The following DCC variants were observed in gnomAD, a reference collection of about 807,000 sequenced individuals.
DCC encodes the protein DCC netrin 1 receptor.
In DCC, 58 loss-of-function variants were observed where a neutral mutation model predicts 172.5. That is an observed-to-expected ratio of 0.34 (90% CI 0.27 to 0.42). The LOEUF (loss-of-function observed/expected upper bound fraction) is 0.42, where lower values mean the gene tolerates loss of function less well. DCC is among the 10% of genes least tolerant of loss of function. The pLI is 1.00. For missense variants in DCC, 1,740 were observed against 1,791.0 expected (o/e 0.97, Z 0.51); for synonymous variants, 709 against 644.5 (o/e 1.10, Z -1.52).
At chr18:52,481,790 A>G (rs2029973002) in intron 1 of DCC, among the ~76,000 whole-genome samples, 1 of 152,088 alleles carries the variant, frequency 6.6e-6, no homozygotes, top group Admixed American at 6.6e-5. Flanking sequence ...GGGGATAATA[A>G]CACCTCCCCA....
intron 14 of DCC, 63 bp downstream of exon 14, chr18:53,322,220 T>G (rs2057419871): frequency 3.2e-6 from 3 of 946,108 alleles, no homozygotes; most frequent in South Asian, 2.6e-5. Context: ...CTTCAAAAGG[T>G]CTCTTAAAAA....
At chr18:53,020,970 C>T (rs1464864624) in intron 5 of DCC, among the ~76,000 whole-genome samples, 2 of 151,424 alleles carry the variant, frequency 1.3e-5, no homozygotes, top group Non-Finnish European at 3.0e-5. Flanking sequence ...CTAATGGCTA[C>T]CTGACAAGAC....
At chr18:53,146,708 T>C (rs1053052102) in intron 7 of DCC, among the ~76,000 whole-genome samples, 1 of 152,274 alleles carries the variant, frequency 6.6e-6, no homozygotes, top group South Asian at 2.1e-4. Flanking sequence ...TACATCTTGA[T>C]GAGAATTAGT....
intron 2 of DCC, among the ~76,000 whole-genome samples, chr18:52,784,677 T>A (rs139149384): frequency 2.0e-5 from 3 of 152,138 alleles, no homozygotes; most frequent in East Asian, 1.9e-4. Flanking sequence ...ATATTGAAAA[T>A]TTTTTAAATA....
Position 53,246,076 on chromosome 18 carries a change from C to G in DCC, c.1911+30479C>G, listed in dbSNP as rs537787644. Among the ~76,000 whole-genome samples the G allele has an allele frequency of 9.7e-4, 148 of 152,126 alleles. 1 individual carries two copies. Among genetic ancestry groups the G allele is most frequent in the Non-Finnish European group, 1.8e-3 (121 of 67,988 alleles). ...ATTGAATAGTTCTCCCTGAGACTTG[C>G]AATCATCATGACGTTTACCCAGGGA... On this transcript the variant is annotated intron_variant, in intron 12 of 28. Transcript: ENST00000442544.
At chr18:53,094,197 T>C (rs1460868058) in intron 7 of DCC, among the ~76,000 whole-genome samples, 3 of 152,214 alleles carry the variant, frequency 2.0e-5, no homozygotes, top group African/African-American at 7.2e-5. Flanking sequence ...TTGTGTTATA[T>C]GATGAAAACA....
chr18:53,099,873 A>C (rs904491401), intron 7 of DCC, among the ~76,000 whole-genome samples: 1 of 151,484 alleles, frequency 6.6e-6, no homozygotes, highest in African/African-American at 2.4e-5. Flanking sequence ...GATTCACCTA[A>C]TTTCAGCTAG....
At chr18:52,709,531 G>A (rs1011860858) in intron 1 of DCC, among the ~76,000 whole-genome samples, 1 of 152,128 alleles carries the variant, frequency 6.6e-6, no homozygotes, top group Non-Finnish European at 1.5e-5. Flanking sequence ...CCGCTGGAAG[G>A]AACTTGACCT....
At chr18:53,099,144 T>G (rs2043127236) in intron 7 of DCC, among the ~76,000 whole-genome samples, 1 of 152,158 alleles carries the variant, frequency 6.6e-6, no homozygotes, top group South Asian at 2.1e-4. Context: ...AATCAGTTAT[T>G]ACTAATAAGT....
intron 21 of DCC, among the ~76,000 whole-genome samples, chr18:53,425,460 A>G (rs2145087332): frequency 6.7e-6 from 1 of 148,282 alleles, no homozygotes; most frequent in South Asian, 2.1e-4. Flanking sequence ...CCTGGGTTCA[A>G]GCGATTCTCC....
chr18:53,296,655 G>A (rs1813853), intron 12 of DCC, among the ~76,000 whole-genome samples: 5,562 of 152,130 alleles, frequency 0.037, 356 homozygotes, highest in African/African-American at 0.13. Context: ...ATACATAACT[G>A]GGCAGAAAAG....
chr18:53,472,464 T>C (rs1040842444), intron 25 of DCC, among the ~76,000 whole-genome samples: 16 of 152,236 alleles, frequency 1.1e-4, no homozygotes, highest in Admixed American at 9.2e-4. Flanking sequence ...GTTGCACTCC[T>C]CTTGTATTAA....
chr18:52,344,020 C>A (rs1983773319), intron 1 of DCC, among the ~76,000 whole-genome samples: 1 of 152,218 alleles, frequency 6.6e-6, no homozygotes, highest in African/African-American at 2.4e-5. Context: ...ACGGCCACCA[C>A]ATGTGTTATA....
intron 5 of DCC, chr18:52,931,900 A>G (rs2040313006): frequency 6.6e-6 from 1 of 152,092 alleles, no homozygotes; most frequent in Non-Finnish European, 1.5e-5. Context: ...GTATAATTAC[A>G]ATTCGTAAAA....
chr18:52,662,610 AG>A (rs2035382033), intron 1 of DCC, among the ~76,000 whole-genome samples: 1 of 150,298 alleles, frequency 6.7e-6, no homozygotes, highest in African/African-American at 2.5e-5. Flanking sequence ...GGAAAGAGAG[AG>A]AGAAAGAAAG....
At chr18:53,070,312 T>A (rs928329511) in intron 7 of DCC, among the ~76,000 whole-genome samples, 1 of 152,186 alleles carries the variant, frequency 6.6e-6, no homozygotes, top group Non-Finnish European at 1.5e-5. Context: ...TAAGGGCTTT[T>A]AAATACTTAC....
chr18:53,401,155 G>T (rs1286967881), intron 18 of DCC, among the ~76,000 whole-genome samples: 2 of 152,082 alleles, frequency 1.3e-5, no homozygotes, highest in Non-Finnish European at 2.9e-5. Context: ...TTGCAAGAAT[G>T]TCCGGATATG....
chr18:53,338,122 T>C (rs1388475052), intron 14 of DCC, among the ~76,000 whole-genome samples: 4 of 152,244 alleles, frequency 2.6e-5, no homozygotes, highest in Non-Finnish European at 5.9e-5. Flanking sequence ...ATAGGTTACA[T>C]GTGCTTGTAT....
At chr18:53,175,495 C>A (rs2055077801) in intron 8 of DCC, among the ~76,000 whole-genome samples, 1 of 150,756 alleles carries the variant, frequency 6.6e-6, no homozygotes, top group Non-Finnish European at 1.5e-5. Flanking sequence ...CATACAAAAT[C>A]AATGTACAAA....
Sources: gnomAD v4.1 joint callset for allele counts (sites outside exome capture counted in the v4.1 genomes callset) on GRCh38, gnomAD v4.1.1 for gene constraint, MANE v1.5 for transcripts, NCBI Gene and HGNC (gene_info 2026-07-23, HGNC 2026-07-21) for gene names.